KIAA0825: variants seen among roughly 807,000 people sequenced by gnomAD.
The protein encoded by KIAA0825 is uncharacterized protein KIAA0825.
In KIAA0825, 119 loss-of-function variants were observed where a neutral mutation model predicts 147.6. That is an observed-to-expected ratio of 0.81 (90% CI 0.69 to 0.94). KIAA0825 has a LOEUF of 0.94. Ranked by LOEUF, KIAA0825 falls within the 40% of genes least tolerant of loss-of-function variation. The pLI is 0.00. For synonymous variants in KIAA0825, 470 were observed against 518.1 expected, an observed-to-expected ratio of 0.91 and a Z score of 1.26; for missense variants, 1,381 against 1,472.7, an observed-to-expected ratio of 0.94 and a Z score of 1.02.
chr5:94,610,583 T>C lies in KIAA0825; in HGVS notation c.-153+7917A>G, dbSNP rs578250397. Among the ~76,000 whole-genome samples the C allele has an allele frequency of 8.1e-5, 12 of 148,980 alleles. No individual in the cohort carries two copies. In the South Asian group the frequency reaches 2.5e-3, roughly 32 times the overall value. The stretch of plus-strand genomic sequence containing the variant: ...TTCAAGACCAGCCTGGGCAACATGG[T>C]GAAACCCTATCTCTACTAAAATACA... On this transcript the variant is annotated intron_variant, in intron 1 of 20. Transcript: ENST00000682413.
At chr5:94,485,169 CAG>C (rs796115596) in intron 5 of KIAA0825, among the ~76,000 whole-genome samples, 4 of 151,696 alleles carry the variant, frequency 2.6e-5, no homozygotes, top group African/African-American at 9.6e-5. Context: ...GATCGATTCT[CAG>C]AGTTATAAAT....
chr5:94,186,103 C>T (rs2149988975), intron 20 of KIAA0825, among the ~76,000 whole-genome samples: 1 of 152,218 alleles, frequency 6.6e-6, no homozygotes, highest in African/African-American at 2.4e-5. Context: ...TACAACCAAA[C>T]ACATTAATAT....
intron 16 of KIAA0825, among the ~76,000 whole-genome samples, chr5:94,399,952 T>A (rs1476881913): frequency 6.6e-6 from 1 of 152,110 alleles, no homozygotes; most frequent in Non-Finnish European, 1.5e-5. Context: ...TATTATTTTT[T>A]AAATCTGAGC....
rs1584983618 is a variant in KIAA0825 at position 94,591,190 on chromosome 5, T to C, written c.-152-8607A>G. On this transcript the variant is annotated intron_variant, in intron 1 of 20. Transcript: ENST00000682413. Reference sequence around the variant, plus strand: ...AAGAGAATTCACAGAAGAAACAGAATAGAAAAAGCCAAACTCTAAAATGTA... The same window carrying C: ...AAGAGAATTCACAGAAGAAACAGAACAGAAAAAGCCAAACTCTAAAATGTA... 6.6e-5 allele frequency among the ~76,000 whole-genome samples: 10 copies of C among 152,184 alleles called. 1 individual carries two copies. The South Asian group carries it at 1.9e-3, about 28-fold the overall frequency.
At chr5:94,457,318 G>A (rs979908829) in intron 12 of KIAA0825, among the ~76,000 whole-genome samples, 1 of 152,196 alleles carries the variant, frequency 6.6e-6, no homozygotes, top group Non-Finnish European at 1.5e-5. Flanking sequence ...ACAATTGTAT[G>A]AGCCATAGGA....
chr5:94,190,070 T>C (rs1263975281), intron 20 of KIAA0825, among the ~76,000 whole-genome samples: 1 of 152,230 alleles, frequency 6.6e-6, no homozygotes, highest in Non-Finnish European at 1.5e-5. Context: ...TAAAAATTTT[T>C]ATTATTAACT....
intron 1 of KIAA0825, among the ~76,000 whole-genome samples, chr5:94,596,296 A>T (rs537599682): frequency 3.9e-5 from 6 of 152,334 alleles, no homozygotes; most frequent in Non-Finnish European, 8.8e-5. Flanking sequence ...AAACTTCTGC[A>T]TATGGCTAGC....
chr5:94,464,272 T>C (rs1760215689), intron 11 of KIAA0825, among the ~76,000 whole-genome samples: 1 of 152,048 alleles, frequency 6.6e-6, no homozygotes, highest in African/African-American at 2.4e-5. Context: ...CTCATAGAAT[T>C]GTACTAGAAT....
At chr5:94,531,331 C>T (rs10075161) in intron 3 of KIAA0825, among the ~76,000 whole-genome samples, 49,571 of 151,930 alleles carry the variant, frequency 0.33, 9,560 homozygotes, top group African/African-American at 0.54. Context: ...AATAATAGAA[C>T]TAATAATGAC....
chr5:94,185,766 A>G (rs1770062126), intron 20 of KIAA0825, among the ~76,000 whole-genome samples: 1 of 152,220 alleles, frequency 6.6e-6, no homozygotes, highest in Non-Finnish European at 1.5e-5. Context: ...TGTTCAAGAT[A>G]TTGGCACAGA....
intron 15 of KIAA0825, among the ~76,000 whole-genome samples, chr5:94,406,786 T>C (rs968473573): frequency 6.6e-6 from 1 of 152,154 alleles, no homozygotes; most frequent in African/African-American, 2.4e-5. Context: ...CTTGAAGCCA[T>C]GGTAGTTATA....
At chr5:94,211,737 G>C (rs1374411018) in intron 20 of KIAA0825, among the ~76,000 whole-genome samples, 1 of 152,024 alleles carries the variant, frequency 6.6e-6, no homozygotes, top group East Asian at 1.9e-4. Flanking sequence ...GTAGTTTGCA[G>C]ACCCTGTTCC....
At chr5:94,305,274 A>G (rs1036927188) in intron 20 of KIAA0825, among the ~76,000 whole-genome samples, 1 of 151,994 alleles carries the variant, frequency 6.6e-6, no homozygotes, top group Admixed American at 6.6e-5. Flanking sequence ...AAAAGCTTAA[A>G]GTTTACTTGC....
chr5:94,399,980 A>C (rs1405233624), intron 16 of KIAA0825, among the ~76,000 whole-genome samples: 1 of 152,126 alleles, frequency 6.6e-6, no homozygotes, highest in Non-Finnish European at 1.5e-5. Context: ...TTCACAATAC[A>C]AAGGTCAAGT....
chr5:94,197,028 A>G (rs897053768), intron 20 of KIAA0825, among the ~76,000 whole-genome samples: 1 of 152,194 alleles, frequency 6.6e-6, no homozygotes, highest in African/African-American at 2.4e-5. Flanking sequence ...TTTTATATTC[A>G]TTGAGAAATC....
At chr5:94,168,822 A>AT (rs1336835137) in intron 20 of KIAA0825, among the ~76,000 whole-genome samples, 2 of 152,088 alleles carry the variant, frequency 1.3e-5, no homozygotes, top group East Asian at 1.9e-4. Context: ...GAAAAGGTGT[A>AT]TTTTTTTCCT....
At chr5:94,377,708 G>C (rs1295183244) in intron 20 of KIAA0825, among the ~76,000 whole-genome samples, 1 of 152,120 alleles carries the variant, frequency 6.6e-6, no homozygotes, top group Admixed American at 6.5e-5. Context: ...ACTCTAGGGA[G>C]TCATTATTTT....
At chr5:94,168,728 A>G (rs1768302557) in intron 20 of KIAA0825, among the ~76,000 whole-genome samples, 1 of 152,212 alleles carries the variant, frequency 6.6e-6, no homozygotes, top group African/African-American at 2.4e-5. Context: ...GTCCCTTACT[A>G]AGAGAAGTGT....
chr5:94,283,441 A>G (rs953358066), intron 20 of KIAA0825, among the ~76,000 whole-genome samples: 129 of 152,250 alleles, frequency 8.5e-4, no homozygotes, highest in African/African-American at 3.1e-3. Flanking sequence ...TACCACAGGA[A>G]TAGAGTAGAT....
Sources: gnomAD v4.1 joint callset for allele counts (sites outside exome capture counted in the v4.1 genomes callset) on GRCh38, gnomAD v4.1.1 for gene constraint, MANE v1.5 for transcripts, NCBI Gene and HGNC (gene_info 2026-07-23, HGNC 2026-07-21) for gene names.